Variants in PER3 observed in about 807,000 individuals in gnomAD.
PER3 encodes period circadian protein homolog 3.
Under a neutral mutation model 127.2 loss-of-function variants are expected in PER3, and 107 were observed. That is an observed-to-expected ratio of 0.84 (90% CI 0.72 to 0.99). PER3 has a LOEUF of 0.99. Among genes scored for constraint, PER3 ranks in the 50% least tolerant of loss-of-function variants. PER3 has a pLI of 0.00. For synonymous variants in PER3, 618 were observed against 585.8 expected (o/e 1.05, Z -0.79); for missense variants, 1,560 against 1,525.8 (o/e 1.02, Z -0.37).
At chr1:7,841,580 A>G (rs2097389209) in intron 21 of PER3, among the ~76,000 whole-genome samples, 1 of 152,162 alleles carries the variant, frequency 6.6e-6, no homozygotes, top group Non-Finnish European at 1.5e-5. Context: ...AGGCGTTCAG[A>G]TAGACTCGAG....
intron 10 of PER3, among the ~76,000 whole-genome samples, chr1:7,806,804 A>AT (rs1329301349): frequency 3.3e-5 from 2 of 60,670 alleles, no homozygotes; most frequent in Non-Finnish European, 6.3e-5. Context: ...TTAAAAAAAA[A>AT]AAAAAAAAAT....
chr1:7,810,007 A>T lies in PER3; in HGVS notation c.1357A>T (p.Thr453Ser). ...GGCCAGTGGGCACCGTGTGGAGGAG[A>T]CGAAGGCGGAGCAGGTGCATGGGCT... Reference protein sequence around the residue: ...SEASGHRVEETKAEQMTLQQV... With the variant: ...SEASGHRVEESKAEQMTLQQV... The change falls in exon 12 of 22, where the codon ACG (threonine) becomes TCG (serine). Residue 453 changes from threonine to serine, a missense_variant. This residue lies in a region of PER3 where 1,332 missense variants were observed against 1,223.6 expected (regional missense o/e 1.09). Coordinates refer to ENST00000377532, the MANE Select transcript of PER3 (RefSeq NM_001377275.1). 3 of 1,613,592 alleles carry T rather than the reference A, an allele frequency of 1.9e-6. No homozygotes were observed. Among genetic ancestry groups the T allele is most frequent in the Non-Finnish European group, 8.5e-7 (1 of 1,179,692 alleles).
At chr1:7,816,186 T>A (rs7550751) in intron 13 of PER3, among the ~76,000 whole-genome samples, 87,209 of 151,534 alleles carry the variant, frequency 0.58, 26,091 homozygotes, top group Middle Eastern at 0.73. Flanking sequence ...AACAAATTGT[T>A]TCACAAGTAA....
intron 16 of PER3, among the ~76,000 whole-genome samples, chr1:7,824,995 G>T (rs2097294798): frequency 6.6e-6 from 1 of 151,948 alleles, no homozygotes; most frequent in Admixed American, 6.6e-5. Flanking sequence ...TATCCTCGGG[G>T]GTCACTTTCC....
At chr1:7,788,455 G>T (rs930750278) in intron 5 of PER3, 2 of 563,474 alleles carry the variant, frequency 3.5e-6, no homozygotes, top group African/African-American at 3.7e-5. Flanking sequence ...TGTCACATCT[G>T]TTTCACAGAT....
chr1:7,837,041 A>C lies in PER3; in HGVS notation c.3441A>C (p.Glu1147Asp), dbSNP rs761527328. 7 of 1,614,012 alleles carry C rather than the reference A, an allele frequency of 4.3e-6. No homozygotes were observed. Among genetic ancestry groups the C allele is most frequent in the Non-Finnish European group, 5.1e-6 (6 of 1,179,926 alleles). The stretch of plus-strand genomic sequence containing the variant: ...TAAAAGAAGACCTGGAAAAGCTAGA[A>C]AGTATGAGGCAGCAGCAGCCCCAGT... ...VVLKEDLEKL[E>D]SMRQQQPQFS... The change falls in exon 21 of 22, where the codon GAA becomes GAC. Residue 1147 changes from glutamate to aspartate, a missense_variant. Physicochemically the swap from Glu to Asp is conservative, Grantham distance 45. Coordinates refer to ENST00000377532, the MANE Select transcript of PER3 (RefSeq NM_001377275.1).
rs186731862 is a variant in PER3, at chr1:7,827,529, C to G, written c.2600C>G (p.Pro867Arg). 3 of 1,614,198 alleles carry G rather than the reference C, an allele frequency of 1.9e-6. No individual in the cohort carries two copies. In the South Asian group the frequency reaches 3.3e-5, roughly 18 times the overall value. The change falls in exon 18 of 22, where the codon CCT becomes CGT. Residue 867 changes from proline to arginine, a missense_variant. Pro to Arg is a moderately radical substitution (Grantham distance 103). Around this residue, in one of 3 missense-constraint regions of PER3, gnomAD observed 1,332 missense variants for 1,223.6 expected, o/e 1.09. Coordinates refer to ENST00000377532, the MANE Select transcript of PER3 (RefSeq NM_001377275.1). ...TVFLPDPPVC[P>R]LLSPSFLPCP... ...TTCCTGCCTGACCCCCCTGTCTGTC[C>G]TCTGTTGTCGCCATCGTTTTTGCCA... is the stretch of plus-strand genomic sequence containing the variant.
At chr1:7,796,530 G>T (rs2097146382) in intron 6 of PER3, among the ~76,000 whole-genome samples, 1 of 151,946 alleles carries the variant, frequency 6.6e-6, no homozygotes, top group Admixed American at 6.6e-5. Context: ...GGCCAGGCTG[G>T]TCTCGAACTC....
chr1:7,823,724 C>A (rs949327817), intron 16 of PER3, among the ~76,000 whole-genome samples: 1 of 151,924 alleles, frequency 6.6e-6, no homozygotes, highest in Non-Finnish European at 1.5e-5. Context: ...TGTACACTCC[C>A]TCTCTGCAAC....
Position 7,835,933 on chromosome 1 carries a change from A to G in PER3, c.3386A>G (p.Gln1129Arg). The change falls in exon 20 of 22, where the codon CAG (glutamine) becomes CGG (arginine). Residue 1129 changes from glutamine to arginine, a missense_variant. Gln to Arg is a conservative substitution (Grantham distance 43, BLOSUM62 1). This residue lies in a region of PER3 where 199 missense variants were observed against 198.6 expected (regional missense o/e 1.00). Coordinates refer to ENST00000377532, the MANE Select transcript of PER3 (RefSeq NM_001377275.1). ...QTPERILMTY[Q>R]VPERVKEVVL... ...CCTGAGCGCATTCTCATGACATACC[A>G]GGTACCTGAGAGGTAAGAAAGCACT... is the stretch of plus-strand genomic sequence containing the variant. 2 of 1,591,656 alleles carry G rather than the reference A, an allele frequency of 1.3e-6. No individual in the cohort carries two copies. Among genetic ancestry groups the G allele is most frequent in the Non-Finnish European group, 1.7e-6 (2 of 1,164,026 alleles).
chr1:7,794,616 CT>C (rs1167357088), intron 6 of PER3, among the ~76,000 whole-genome samples: 1 of 152,002 alleles, frequency 6.6e-6, no homozygotes, highest in African/African-American at 2.4e-5. Flanking sequence ...GTTTTGGGCT[CT>C]TTTTTGTTTA....
At chr1:7,788,288 G>C (rs1290092252) in intron 5 of PER3, 42 bp downstream of exon 5, 2 of 1,340,722 alleles carry the variant, frequency 1.5e-6, no homozygotes, top group South Asian at 2.3e-5. Flanking sequence ...TCCTCATCAA[G>C]ATCAGTTTCA....
rs1323714083 is a variant in PER3 at position 7,837,155 on chromosome 1, C to T, written c.3549+6C>T. 6.2e-7 allele frequency: 1 copy of T among 1,611,850 alleles called. No individual in the cohort carries two copies. The highest frequency in any genetic ancestry group is 2.2e-5 in the East Asian group (1 of 44,876). Reference sequence around the variant, plus strand: ...CTCAAGAAATCGACATTCAAGTAAGCACAGTAATAATGGCTGTCATATACT... The same window carrying T: ...CTCAAGAAATCGACATTCAAGTAAGTACAGTAATAATGGCTGTCATATACT... On this transcript the variant is annotated splice_donor_region_variant and intron_variant, in intron 21 of 21. Transcript: ENST00000377532.
chr1:7,792,330 A>G (rs147178360), intron 5 of PER3, among the ~76,000 whole-genome samples: 8 of 152,298 alleles, frequency 5.3e-5, no homozygotes, highest in East Asian at 1.9e-4. Flanking sequence ...GATGACGGCA[A>G]CCACCCCCAT....
Position 7,842,958 on chromosome 1 carries a change from G to T in PER3, c.*203G>T. On this transcript the variant is annotated 3_prime_UTR_variant, in exon 22 of 22. Transcript: ENST00000377532. ...CTCTTTGTTCCTGATATATTAAAAT[G>T]GCCAGTTAGGCTCTTTTTGTAGTTG... 1 of 346,100 alleles carries T rather than the reference G, an allele frequency of 2.9e-6. No individual in the cohort carries two copies. The highest frequency in any genetic ancestry group is 5.3e-6 in the Non-Finnish European group (1 of 188,502). The allele number at this position is 346,100 out of a possible 1,614,324, so 21.4% of individuals were successfully genotyped here.
chr1:7,789,494 G>A lies in PER3; in HGVS notation c.592+1248G>A, dbSNP rs144315464. On this transcript the variant is annotated intron_variant, in intron 5 of 21. Transcript: ENST00000377532. ...AACTTGCCCCTCCTTGCCTTCTGCC[G>A]TGATTGTGAGGCTTCCTCAGCCACG... 1.2e-3 allele frequency among the ~76,000 whole-genome samples: 177 copies of A among 152,234 alleles called. 1 individual carries two copies. Among genetic ancestry groups the A allele is most frequent in the African/African-American group, 4.2e-3 (175 of 41,538 alleles).
chr1:7,810,409 A>G (rs768100511), intron 12 of PER3, 29 bp from the exon 13 acceptor site: 10 of 1,515,614 alleles, frequency 6.6e-6, no homozygotes, highest in Admixed American at 2.1e-5. Flanking sequence ...ATAATTTTTG[A>G]AACATATTTT....
Position 7,803,161 on chromosome 1 carries a change from C to T in PER3, c.979+8C>T. On this transcript the variant is annotated splice_region_variant and intron_variant, in intron 9 of 21. Transcript: ENST00000377532. Reference sequence around the variant, plus strand: ...TTGCCATACACCAAAAAGGTCAGGACCTACTCCTTTATAGGAGGAAATATT... The same window carrying T: ...TTGCCATACACCAAAAAGGTCAGGATCTACTCCTTTATAGGAGGAAATATT... The T allele has an allele frequency of 6.7e-7, 1 of 1,481,624 alleles. No individual in the cohort carries two copies. The highest frequency in any genetic ancestry group is 9.4e-7 in the Non-Finnish European group (1 of 1,059,090). The allele number at this position is 1,481,624 out of a possible 1,614,324, so 91.8% of individuals were successfully genotyped here.
intron 19 of PER3, among the ~76,000 whole-genome samples, chr1:7,830,847 G>C (rs1010865294): frequency 6.6e-6 from 1 of 152,182 alleles, no homozygotes; most frequent in Non-Finnish European, 1.5e-5. Flanking sequence ...CTAGCTTTAG[G>C]CCAATACCAC....
Sources: allele counts gnomAD v4.1 joint callset (sites outside exome capture counted in the v4.1 genomes callset), GRCh38; gene constraint gnomAD v4.1.1; regional missense constraint gnomAD v4.1.1; transcripts MANE v1.5; gene names NCBI Gene and HGNC (gene_info 2026-07-23, HGNC 2026-07-21).